Variants in GRIK1 observed in about 807,000 individuals in gnomAD.
GRIK1 encodes the protein glutamate receptor ionotropic, kainate 1.
In GRIK1, 69 loss-of-function variants were observed where a neutral mutation model predicts 105.7. The observed-to-expected ratio is 0.65, with a 90% CI of 0.54 to 0.80. The LOEUF (loss-of-function observed/expected upper bound fraction) is 0.80, where lower values mean the gene tolerates loss of function less well. Ranked by LOEUF, GRIK1 falls within the 30% of genes least tolerant of loss-of-function variation. GRIK1 has a pLI of 0.00. For missense variants in GRIK1, 1,109 were observed against 1,167.3 expected, an observed-to-expected ratio of 0.95 and a Z score of 0.73; for synonymous variants, 438 against 431.3, an observed-to-expected ratio of 1.02 and a Z score of -0.19.
chr21:29,923,561 A>C (rs1027057707), intron 1 of GRIK1, among the ~76,000 whole-genome samples: 1 of 152,202 alleles, frequency 6.6e-6, no homozygotes, highest in African/African-American at 2.4e-5. Context: ...AAAAAAAGGC[A>C]AGAAATTGAA....
Position 29,926,712 on chromosome 21 carries a change from A to G in GRIK1, c.118+12671T>C, listed in dbSNP as rs144955895. ...CTATGTGCCTTCTACAGCTTGTTCAAATAGATTTCTGGGTCTGATTTCTTT... is the reference window on the plus strand; with the variant it reads ...CTATGTGCCTTCTACAGCTTGTTCAGATAGATTTCTGGGTCTGATTTCTTT... On this transcript the variant is annotated intron_variant, in intron 1 of 17. Transcript: ENST00000327783. Among the ~76,000 whole-genome samples, 403 of 152,104 alleles carry G rather than the reference A, an allele frequency of 2.6e-3. 2 individuals are homozygous for G. The highest frequency in any genetic ancestry group is 9.1e-3 in the African/African-American group (377 of 41,500).
Position 29,538,888 on chromosome 21 carries a change from T to C in GRIK1, c.2608-1004A>G, listed in dbSNP as rs940024830. Among the ~76,000 whole-genome samples, 7 of 152,202 alleles carry C rather than the reference T, an allele frequency of 4.6e-5. No individual in the cohort carries two copies. In the East Asian group the frequency reaches 7.7e-4, roughly 17 times the overall value. On this transcript the variant is annotated intron_variant, in intron 16 of 17. Transcript: ENST00000327783. The stretch of plus-strand genomic sequence containing the variant: ...TAGTTTTAATTTTTCTATTTTTAAA[T>C]TTTTTCTACTTGATTTCAAAACCAG...
rs181594952 is a variant in GRIK1, at chr21:29,604,842, A to G, written c.1099-5905T>C. On this transcript the variant is annotated intron_variant, in intron 7 of 17. Transcript: ENST00000327783. Reference sequence around the variant, plus strand: ...ATCTGATAATCAAGAGACAGGAATCAAGAGGTAAAAGAAGAAAAATAAAAG... The same window carrying G: ...ATCTGATAATCAAGAGACAGGAATCGAGAGGTAAAAGAAGAAAAATAAAAG... 2.5e-4 allele frequency among the ~76,000 whole-genome samples: 38 copies of G among 152,320 alleles called. No individual in the cohort carries two copies. The East Asian group carries it at 6.9e-3, about 28-fold the overall frequency.
chr21:29,677,791 G>C (rs17185280), intron 3 of GRIK1, among the ~76,000 whole-genome samples: 1 of 152,190 alleles, frequency 6.6e-6, no homozygotes, highest in African/African-American at 2.4e-5. Context: ...GGCATGGTGA[G>C]GTTAATTGTT....
intron 14 of GRIK1, among the ~76,000 whole-genome samples, chr21:29,562,081 A>G (rs2090494439): frequency 6.6e-6 from 1 of 152,232 alleles, no homozygotes; most frequent in African/African-American, 2.4e-5. Flanking sequence ...ACCTTGATCT[A>G]TAAGCCATTG....
At chr21:29,545,474 T>C (rs1468107487) in intron 16 of GRIK1, among the ~76,000 whole-genome samples, 2 of 152,224 alleles carry the variant, frequency 1.3e-5, no homozygotes, top group Non-Finnish European at 2.9e-5. Context: ...CTTGATTTTT[T>C]TGTTTTTTGT....
At chr21:29,690,987 C>A (rs1437893106) in intron 2 of GRIK1, among the ~76,000 whole-genome samples, 1 of 151,940 alleles carries the variant, frequency 6.6e-6, no homozygotes, top group East Asian at 1.9e-4. Context: ...GTAGAATAGA[C>A]CATTTCATAG....
At chr21:29,656,354 CAAAAAAAAAA>C (rs3054331) in intron 4 of GRIK1, among the ~76,000 whole-genome samples, 108 of 51,148 alleles carry the variant, frequency 2.1e-3, no homozygotes, top group African/African-American at 5.4e-3. Flanking sequence ...GAGCGAGACT[CAAAAAAAAAA>C]AAAAAAAAAA....
At chr21:29,905,458 T>G (rs1007682554) in intron 1 of GRIK1, among the ~76,000 whole-genome samples, 2 of 150,472 alleles carry the variant, frequency 1.3e-5, no homozygotes, top group Admixed American at 6.6e-5. Context: ...ATTTATTAAT[T>G]TATTTGAGAC....
At chr21:29,681,284 C>A (rs570044987) in intron 3 of GRIK1, among the ~76,000 whole-genome samples, 31 of 152,306 alleles carry the variant, frequency 2.0e-4, no homozygotes, top group Admixed American at 1.2e-3. Context: ...CCACCCTCTG[C>A]TCAAAACTCT....
intron 14 of GRIK1, among the ~76,000 whole-genome samples, chr21:29,566,700 C>A (rs191292199): frequency 6.6e-6 from 1 of 152,128 alleles, no homozygotes; most frequent in Non-Finnish European, 1.5e-5. Context: ...GTGTAGCAAG[C>A]ACTATTTTAA....
chr21:29,904,187 G>A (rs991410400), intron 1 of GRIK1, among the ~76,000 whole-genome samples: 8 of 151,932 alleles, frequency 5.3e-5, no homozygotes, highest in African/African-American at 1.9e-4. Context: ...ACAGGCGATG[G>A]GTGCCGCAAA....
At chr21:29,830,342 C>A (rs1050244766) in intron 1 of GRIK1, among the ~76,000 whole-genome samples, 12 of 142,954 alleles carry the variant, frequency 8.4e-5, no homozygotes, top group African/African-American at 2.0e-4. Context: ...CACACACACA[C>A]ACACACACAC....
chr21:29,553,699 A>G, intron 16 of GRIK1: 6 of 1,573,042 alleles, frequency 3.8e-6, no homozygotes, highest in Non-Finnish European at 5.2e-6. Flanking sequence ...AAAAGAAACA[A>G]AAAGCCTTGC....
intron 1 of GRIK1, among the ~76,000 whole-genome samples, chr21:29,904,972 T>A (rs459840): frequency 0.23 from 35,484 of 152,044 alleles, 4,936 homozygotes; most frequent in African/African-American, 0.39. Context: ...GTCACACCGC[T>A]ATACGTGCTG....
chr21:29,678,790 G>T (rs1418356805), intron 3 of GRIK1, among the ~76,000 whole-genome samples: 1 of 152,212 alleles, frequency 6.6e-6, no homozygotes, highest in African/African-American at 2.4e-5. Context: ...ACAGTGGGGT[G>T]AGTGGTGATG....
intron 1 of GRIK1, among the ~76,000 whole-genome samples, chr21:29,719,154 G>A (rs2064255953): frequency 6.8e-6 from 1 of 147,444 alleles, no homozygotes; most frequent in African/African-American, 2.5e-5. Context: ...CTAGATAAAA[G>A]CTTTTTTATA....
At chr21:29,787,970 G>C (rs1427738094) in intron 1 of GRIK1, among the ~76,000 whole-genome samples, 1 of 152,130 alleles carries the variant, frequency 6.6e-6, no homozygotes, top group Non-Finnish European at 1.5e-5. Flanking sequence ...AAGAATCTTT[G>C]TACGAAGTTT....
chr21:29,936,390 T>C lies in GRIK1; in HGVS notation c.118+2993A>G, dbSNP rs561781805. On this transcript the variant is annotated intron_variant, in intron 1 of 17. Coordinates refer to ENST00000327783, the MANE Select transcript of GRIK1 (RefSeq NM_001330994.2). ...GTCTACTAAGTTTACCTAGATCCTG[T>C]TCTAACCATTAGTTATAAGTCAGCC... Among the ~76,000 whole-genome samples, 5 of 152,364 alleles carry C rather than the reference T, an allele frequency of 3.3e-5. No homozygotes were observed. In the East Asian group the frequency reaches 5.8e-4, roughly 18 times the overall value.
Sources: allele counts gnomAD v4.1 joint callset (sites outside exome capture counted in the v4.1 genomes callset), GRCh38; gene constraint gnomAD v4.1.1; transcripts MANE v1.5; gene names NCBI Gene and HGNC (gene_info 2026-07-23, HGNC 2026-07-21).